COL24A1: variants seen among roughly 807,000 people sequenced by gnomAD.
COL24A1 encodes collagen alpha-1(XXIV) chain.
Under a neutral mutation model 253.9 loss-of-function variants are expected in COL24A1, and 224 were observed. The observed-to-expected ratio is 0.88, with a 90% CI of 0.79 to 0.99. The LOEUF (loss-of-function observed/expected upper bound fraction) is 0.99. COL24A1 is among the 50% of genes least tolerant of loss of function. The pLI, the probability that COL24A1 is intolerant of heterozygous loss-of-function variation, is 0.00. For missense variants in COL24A1, 2,131 were observed against 2,068.5 expected (o/e 1.03, Z -0.59); for synonymous variants, 685 against 673.7 (o/e 1.02, Z -0.26).
intron 43 of COL24A1, among the ~76,000 whole-genome samples, chr1:85,828,299 A>T (rs1380415791): frequency 6.6e-6 from 1 of 151,346 alleles, no homozygotes; most frequent in Non-Finnish European, 1.5e-5. Context: ...AGTTTGTTAT[A>T]ATTTCTATTC....
chr1:86,009,538 G>C (rs903924133), intron 19 of COL24A1, among the ~76,000 whole-genome samples: 1 of 152,106 alleles, frequency 6.6e-6, no homozygotes, highest in African/African-American at 2.4e-5. Context: ...TAACACATTG[G>C]TATTTGTGTA....
At chr1:85,997,439 A>T (rs1036605519) in intron 19 of COL24A1, among the ~76,000 whole-genome samples, 1 of 152,040 alleles carries the variant, frequency 6.6e-6, no homozygotes, top group Admixed American at 6.6e-5. Context: ...AAATGACCTA[A>T]ATCTTGCAAA....
chr1:86,110,466 G>T (rs1705437631), intron 5 of COL24A1, among the ~76,000 whole-genome samples: 1 of 152,196 alleles, frequency 6.6e-6, no homozygotes, highest in African/African-American at 2.4e-5. Flanking sequence ...CCGCGCTTGA[G>T]GAGCCCTTCA....
At chr1:86,106,129 C>T (rs975939486) in intron 5 of COL24A1, among the ~76,000 whole-genome samples, 2 of 152,032 alleles carry the variant, frequency 1.3e-5, no homozygotes, top group African/African-American at 4.8e-5. Context: ...TGACCCACTA[C>T]AAAATTCTTC....
chr1:85,813,762 G>A (rs920327029), intron 47 of COL24A1, among the ~76,000 whole-genome samples: 34 of 151,320 alleles, frequency 2.2e-4, no homozygotes, highest in African/African-American at 4.4e-4. Flanking sequence ...CGTTTTAGCC[G>A]GGATGGTCTC....
At chr1:86,117,816 T>C (rs1292307607) in intron 3 of COL24A1, among the ~76,000 whole-genome samples, 1 of 152,224 alleles carries the variant, frequency 6.6e-6, no homozygotes, top group African/African-American at 2.4e-5. Context: ...GAAAGTACAA[T>C]TCCATTTAAA....
chr1:86,069,198 T>C (rs967100321), intron 7 of COL24A1, among the ~76,000 whole-genome samples: 2 of 152,100 alleles, frequency 1.3e-5, no homozygotes, highest in African/African-American at 2.4e-5. Flanking sequence ...GACTAGGATC[T>C]TACACAGCAT....
At chr1:85,952,964 C>T (rs1303161169) in intron 24 of COL24A1, among the ~76,000 whole-genome samples, 1 of 152,124 alleles carries the variant, frequency 6.6e-6, no homozygotes, top group East Asian at 1.9e-4. Flanking sequence ...TCAGCCATCA[C>T]CTTCTCTAAG....
intron 24 of COL24A1, among the ~76,000 whole-genome samples, chr1:85,944,420 A>G (rs1306585645): frequency 1.3e-5 from 2 of 152,020 alleles, no homozygotes; most frequent in Non-Finnish European, 2.9e-5. Flanking sequence ...TGTGTTTTTT[A>G]TGTTTCTCAA....
intron 7 of COL24A1, among the ~76,000 whole-genome samples, chr1:86,088,156 T>C (rs2101949842): frequency 1.3e-5 from 2 of 152,308 alleles, no homozygotes. Flanking sequence ...GATAGTATTA[T>C]CTTCACAATT....
At chr1:85,796,021 T>G (rs943864115) in intron 47 of COL24A1, among the ~76,000 whole-genome samples, 1 of 152,192 alleles carries the variant, frequency 6.6e-6, no homozygotes, top group African/African-American at 2.4e-5. Context: ...ACATAAATAA[T>G]GTAGCATTCA....
At chr1:85,909,331 C>A (rs1685148623) in intron 26 of COL24A1, among the ~76,000 whole-genome samples, 1 of 151,784 alleles carries the variant, frequency 6.6e-6, no homozygotes, top group South Asian at 2.1e-4. Flanking sequence ...CCACCAGATC[C>A]ATTACAAGGC....
chr1:85,793,351 C>T (rs777500554), intron 47 of COL24A1, among the ~76,000 whole-genome samples: 8 of 151,750 alleles, frequency 5.3e-5, no homozygotes, highest in Non-Finnish European at 1.0e-4. Context: ...CATTTATCTG[C>T]GTTAGTGGGG....
At chr1:86,075,704 T>A (rs1190746940) in intron 7 of COL24A1, among the ~76,000 whole-genome samples, 1 of 152,210 alleles carries the variant, frequency 6.6e-6, no homozygotes, top group Non-Finnish European at 1.5e-5. Flanking sequence ...CATGATCAAG[T>A]CAGCTTCATC....
intron 24 of COL24A1, among the ~76,000 whole-genome samples, chr1:85,941,022 G>T (rs1201261237): frequency 6.6e-6 from 1 of 152,116 alleles, no homozygotes; most frequent in Non-Finnish European, 1.5e-5. Context: ...TGAACTTAAG[G>T]TGTTATTAGT....
At chr1:85,944,506 C>T (rs1192607892) in intron 24 of COL24A1, among the ~76,000 whole-genome samples, 3 of 152,104 alleles carry the variant, frequency 2.0e-5, no homozygotes, top group South Asian at 2.1e-4. Context: ...ATTATATTTT[C>T]GGATTTGATC....
intron 46 of COL24A1, 84 bp from the exon 47 acceptor site, chr1:85,816,979 G>T: frequency 2.9e-6 from 3 of 1,028,024 alleles, no homozygotes; most frequent in Admixed American, 2.2e-5. Context: ...TTGAGCTGGA[G>T]AAGTTTACAT....
chr1:86,043,685 G>A (rs1315952522), intron 12 of COL24A1, among the ~76,000 whole-genome samples: 10 of 151,980 alleles, frequency 6.6e-5, no homozygotes, highest in South Asian at 2.1e-4. Context: ...ACACCACCAC[G>A]CCCAGCTAAT....
At chr1:85,771,193 G>T (rs749378984) in intron 53 of COL24A1, among the ~76,000 whole-genome samples, 2 of 152,060 alleles carry the variant, frequency 1.3e-5, no homozygotes, top group Non-Finnish European at 2.9e-5. Context: ...ATGGTGGTTT[G>T]CTGCACCTAT....
Sources: gnomAD v4.1 joint callset for allele counts (sites outside exome capture counted in the v4.1 genomes callset) on GRCh38, gnomAD v4.1.1 for gene constraint, MANE v1.5 for transcripts, NCBI Gene and HGNC (gene_info 2026-07-23, HGNC 2026-07-21) for gene names.